The following AGBL4 variants were observed in gnomAD, a reference collection of about 807,000 sequenced individuals.
AGBL4 encodes AGBL carboxypeptidase 4.
In AGBL4, 58 loss-of-function variants were observed where a neutral mutation model predicts 66.4. The observed-to-expected ratio is 0.87, with a 90% CI of 0.71 to 1.09. The LOEUF (loss-of-function observed/expected upper bound fraction) is 1.09. Ranked by LOEUF, AGBL4 falls within the 50% of genes least tolerant of loss-of-function variation. The pLI is 0.00. For missense variants in AGBL4, 579 were observed against 631.0 expected (o/e 0.92, Z 0.88); for synonymous variants, 234 against 222.9 (o/e 1.05, Z -0.44).
chr1:49,295,921 C>T (rs140533120), intron 3 of AGBL4, among the ~76,000 whole-genome samples: 2 of 152,272 alleles, frequency 1.3e-5, no homozygotes, highest in East Asian at 3.9e-4. Flanking sequence ...ATAGTAGTGA[C>T]TCTAAAGCAA....
rs532294640 is a variant in AGBL4, at chr1:50,007,805, A to T, written c.34+15958T>A. ...AGAAACACACTTCACCTATAAAGAC[A>T]CACATGAACTGAAAATAAACGGATG... On this transcript the variant is annotated intron_variant, in intron 1 of 13. Coordinates refer to ENST00000371839, the MANE Select transcript of AGBL4 (RefSeq NM_032785.4). 2.4e-3 allele frequency among the ~76,000 whole-genome samples: 360 copies of T among 152,278 alleles called. 2 individuals carry two copies. The highest frequency in any genetic ancestry group is 3.7e-3 in the Non-Finnish European group (250 of 68,008).
chr1:49,173,732 A>G (rs1354268179), intron 4 of AGBL4, among the ~76,000 whole-genome samples: 4 of 152,348 alleles, frequency 2.6e-5, no homozygotes, highest in African/African-American at 9.6e-5. Context: ...GAAAGGTGAC[A>G]TTTGAGCAGA....
intron 7 of AGBL4, among the ~76,000 whole-genome samples, chr1:48,653,875 T>C (rs1395987618): frequency 6.6e-6 from 1 of 152,172 alleles, no homozygotes; most frequent in Non-Finnish European, 1.5e-5. Flanking sequence ...GATGTGATAA[T>C]CACAGGGTCA....
chr1:49,894,840 T>C (rs569671464), intron 1 of AGBL4, among the ~76,000 whole-genome samples: 2 of 151,806 alleles, frequency 1.3e-5, no homozygotes, highest in South Asian at 4.2e-4. Context: ...GAGAGAGAGA[T>C]GGGTAAAAAT....
intron 6 of AGBL4, among the ~76,000 whole-genome samples, chr1:48,697,058 G>A (rs544903367): frequency 6.6e-6 from 1 of 152,164 alleles, no homozygotes; most frequent in Non-Finnish European, 1.5e-5. Context: ...GAGGGCAGGG[G>A]TGAGGCTGAC....
At chr1:49,979,091 G>A (rs1658833324) in intron 1 of AGBL4, among the ~76,000 whole-genome samples, 1 of 152,106 alleles carries the variant, frequency 6.6e-6, no homozygotes, top group South Asian at 2.1e-4. Flanking sequence ...ATAAAATATA[G>A]GTAGATACAA....
chr1:48,851,735 T>C (rs1275281606), intron 6 of AGBL4, among the ~76,000 whole-genome samples: 2 of 152,220 alleles, frequency 1.3e-5, no homozygotes, highest in African/African-American at 4.8e-5. Context: ...GGACTTCATC[T>C]GGGTTGGGCT....
intron 3 of AGBL4, among the ~76,000 whole-genome samples, chr1:49,346,617 C>G (rs1429135111): frequency 6.6e-6 from 1 of 152,146 alleles, no homozygotes; most frequent in Non-Finnish European, 1.5e-5. Context: ...TGTTGGGATT[C>G]AAAGTTATGA....
chr1:49,869,319 C>G (rs1292543994), intron 1 of AGBL4, among the ~76,000 whole-genome samples: 1 of 152,114 alleles, frequency 6.6e-6, no homozygotes. Flanking sequence ...GCACTATTCA[C>G]AAGGGCAAAG....
At position 49,702,897 on chromosome 1, in the gene AGBL4, T is replaced by G. The variant is rs531467702; in HGVS notation, c.158-5460A>C. 3.3e-5 allele frequency among the ~76,000 whole-genome samples: 5 copies of G among 152,170 alleles called. No homozygotes were observed. The East Asian group carries it at 7.7e-4, about 24-fold the overall frequency. ...AAAAATCTGACAAAATCTTACACAT[T>G]TCATGATAAGAATACTCAAGATGAA... On this transcript the variant is annotated intron_variant, in intron 2 of 13. Coordinates refer to ENST00000371839, the MANE Select transcript of AGBL4 (RefSeq NM_032785.4).
intron 4 of AGBL4, among the ~76,000 whole-genome samples, chr1:49,190,766 C>T (rs927648800): frequency 6.6e-6 from 1 of 152,148 alleles, no homozygotes; most frequent in Non-Finnish European, 1.5e-5. Flanking sequence ...GACAGGCTCA[C>T]ACATATTATA....
At chr1:48,768,983 T>C (rs927911581) in intron 6 of AGBL4, among the ~76,000 whole-genome samples, 2 of 152,198 alleles carry the variant, frequency 1.3e-5, no homozygotes, top group Non-Finnish European at 2.9e-5. Flanking sequence ...TGCCCTGCTG[T>C]GGTGTTGCAG....
intron 3 of AGBL4, among the ~76,000 whole-genome samples, chr1:49,252,110 T>C (rs771998091): frequency 6.6e-6 from 1 of 152,036 alleles, no homozygotes. Context: ...ATGAAGATCA[T>C]TGAGCTAAAG....
At chr1:48,763,601 T>G (rs990095949) in intron 6 of AGBL4, among the ~76,000 whole-genome samples, 2 of 152,102 alleles carry the variant, frequency 1.3e-5, no homozygotes, top group Non-Finnish European at 2.9e-5. Flanking sequence ...GTTTGACAAG[T>G]TGAGGGCAAA....
intron 3 of AGBL4, among the ~76,000 whole-genome samples, chr1:49,258,519 C>T (rs1652768586): frequency 6.6e-6 from 1 of 152,044 alleles, no homozygotes; most frequent in Non-Finnish European, 1.5e-5. Context: ...GCAGAAGCCT[C>T]AGGAGCCGAT....
intron 11 of AGBL4, among the ~76,000 whole-genome samples, chr1:48,548,515 G>A (rs1188849331): frequency 2.0e-5 from 3 of 152,166 alleles, no homozygotes; most frequent in East Asian, 1.9e-4. Flanking sequence ...CTGTCTCCAG[G>A]TCCAGGTCCT....
chr1:49,291,994 C>T (rs1644543600), intron 3 of AGBL4, among the ~76,000 whole-genome samples: 1 of 152,242 alleles, frequency 6.6e-6, no homozygotes, highest in Non-Finnish European at 1.5e-5. Context: ...TGTTTGCAGA[C>T]TCCCTGCACT....
intron 2 of AGBL4, among the ~76,000 whole-genome samples, chr1:49,717,312 A>G (rs1335344910): frequency 1.3e-5 from 2 of 152,128 alleles, no homozygotes; most frequent in Non-Finnish European, 2.9e-5. Context: ...TGCTATCCCC[A>G]TCAAGCTACC....
At chr1:48,936,178 T>C (rs1009949869) in intron 5 of AGBL4, among the ~76,000 whole-genome samples, 1 of 150,726 alleles carries the variant, frequency 6.6e-6, no homozygotes, top group Non-Finnish European at 1.5e-5. Context: ...TAGTCCCAGC[T>C]ACTTGGGAGG....
Sources: allele counts gnomAD v4.1 joint callset (sites outside exome capture counted in the v4.1 genomes callset), GRCh38; gene constraint gnomAD v4.1.1; transcripts MANE v1.5; gene names NCBI Gene and HGNC (gene_info 2026-07-23, HGNC 2026-07-21).